ZNF169: variants seen among roughly 807,000 people sequenced by gnomAD.
ZNF169 encodes zinc finger protein 169.
ZNF169 carries 11 observed loss-of-function variants against 12.0 expected under a neutral mutation model. The ratio of observed to expected loss-of-function variants is 0.92; its 90% confidence interval spans 0.58 to 1.52. The LOEUF is 1.52. Among genes scored for constraint, ZNF169 ranks in the 40% most tolerant of loss-of-function variants. The pLI, the probability that ZNF169 is intolerant of heterozygous loss-of-function variation, is 0.00. For synonymous variants in ZNF169, 302 were observed against 286.5 expected (o/e 1.05, Z -0.55); for missense variants, 722 against 744.0 (o/e 0.97, Z 0.34).
intron 2 of ZNF169, 76 bp downstream of exon 2, chr9:94,278,921 G>A: frequency 6.7e-7 from 1 of 1,489,464 alleles, no homozygotes; most frequent in Non-Finnish European, 9.3e-7. Context: ...CTGCCTTCTT[G>A]GTGTTAGGCA....
intron 1 of ZNF169, 46 bp from the exon 2 acceptor site, chr9:94,278,712 G>T: frequency 9.0e-7 from 1 of 1,106,428 alleles, no homozygotes; most frequent in East Asian, 2.4e-5. Context: ...GAGTGTGAAG[G>T]GTGTTCTTCC....
rs1243276078 is a variant in ZNF169 at position 94,273,356 on chromosome 9, G to T, written c.-55-5402G>T. ...GGAGTTTTATAGTTTCAGGTCTAGG[G>T]TTTAGCAATTTTAATTTTTTTTGCA... On this transcript the variant is annotated intron_variant, in intron 1 of 4. Coordinates refer to ENST00000395395, the MANE Select transcript of ZNF169 (RefSeq NM_194320.4). Among the ~76,000 whole-genome samples the T allele has an allele frequency of 2.0e-5, 3 of 151,154 alleles. No individual in the cohort carries two copies. The East Asian group carries it at 5.8e-4, about 29-fold the overall frequency.
chr9:94,288,476 A>C, intron 2 of ZNF169: 1 of 878,228 alleles, frequency 1.1e-6, no homozygotes, highest in East Asian at 2.9e-5. Flanking sequence ...AGCTTTATTA[A>C]GCCAAATCCA....
At chr9:94,276,239 G>T (rs1188374410) in intron 1 of ZNF169, among the ~76,000 whole-genome samples, 1 of 152,054 alleles carries the variant, frequency 6.6e-6, no homozygotes, top group Non-Finnish European at 1.5e-5. Flanking sequence ...GTCTAAACAA[G>T]GTTCACACAT....
rs1462072538 is a variant in ZNF169 at position 94,300,266 on chromosome 9, C to T, written c.708C>T (p.Cys236=). ...SLFSHQKHHV[C]PECGRGFCQR... is the part of the protein sequence containing the mutation. ...TCAGCCACCAGAAGCATCATGTGTG[C>T]CCTGAATGCGGGAGAGGCTTTTGCC... Residue 236 remains cysteine, a synonymous_variant, in exon 5 of 5, where the codon TGC becomes TGT. Coordinates refer to ENST00000395395, the MANE Select transcript of ZNF169 (RefSeq NM_194320.4). The T allele has an allele frequency of 1.2e-6, 2 of 1,614,060 alleles. No individual in the cohort carries two copies. The highest frequency in any genetic ancestry group is 1.7e-6 in the Non-Finnish European group (2 of 1,180,032).
In ZNF169 at chr9:94,300,013, C is replaced by T. The variant is rs34433105; in HGVS notation, c.455C>T (p.Ser152Leu). Reference sequence around the variant, plus strand: ...GGAGAGACAGAAGGCCCCGACAGCTCATTAAGAAAGAGGCCAAGCAGAATT... The same window carrying T: ...GGAGAGACAGAAGGCCCCGACAGCTTATTAAGAAAGAGGCCAAGCAGAATT... ...ESGETEGPDS[S>L]LRKRPSRISR... The change falls in exon 5 of 5, where the codon TCA becomes TTA. Residue 152 changes from serine (S) to leucine (L), a missense_variant. Transcript: ENST00000395395. 56,731 of 1,613,936 alleles carry T rather than the reference C, an allele frequency of 0.035. 1,774 individuals are homozygous for T. Among genetic ancestry groups the T allele is most frequent in the African/African-American group, 0.16 (12,102 of 74,926 alleles).
At chr9:94,279,555 G>A (rs12336378) in intron 2 of ZNF169, among the ~76,000 whole-genome samples, 6,401 of 150,410 alleles carry the variant, frequency 0.043, 451 homozygotes, top group African/African-American at 0.15. Flanking sequence ...CAAGAGAATC[G>A]CTTGAGCCCG....
At chr9:94,270,752 AAT>A (rs1349566617) in intron 1 of ZNF169, among the ~76,000 whole-genome samples, 1 of 91,134 alleles carries the variant, frequency 1.1e-5, no homozygotes, top group African/African-American at 4.2e-5. Flanking sequence ...GTATTTATAT[AAT>A]ATATAAATAT....
At chr9:94,271,246 C>G (rs1292476965) in intron 1 of ZNF169, among the ~76,000 whole-genome samples, 1 of 150,310 alleles carries the variant, frequency 6.7e-6, no homozygotes, top group East Asian at 2.0e-4. Flanking sequence ...CAGTCACGTG[C>G]CACCATGCAC....
chr9:94,268,934 G>T (rs1328901297), intron 1 of ZNF169, among the ~76,000 whole-genome samples: 1 of 145,848 alleles, frequency 6.9e-6, no homozygotes, highest in East Asian at 1.9e-4. Flanking sequence ...TGCTCAAAAA[G>T]ACAAGGTCTT....
chr9:94,300,367 G>A lies in ZNF169; in HGVS notation c.809G>A (p.Arg270Gln), dbSNP rs377759869. ...KPYLCPECGR[R>Q]FSQKASLSIH... ...TACCTGTGTCCTGAGTGTGGGCGTC[G>A]GTTTAGCCAGAAGGCCTCCCTCTCC... The change falls in exon 5 of 5, where the codon CGG (arginine) becomes CAG (glutamine). Residue 270 changes from arginine (R) to glutamine (Q), a missense_variant. Coordinates refer to ENST00000395395, the MANE Select transcript of ZNF169 (RefSeq NM_194320.4). The A allele has an allele frequency of 1.7e-5, 28 of 1,613,776 alleles. No individual in the cohort carries two copies. Among genetic ancestry groups the A allele is most frequent in the Middle Eastern group, 1.6e-4 (1 of 6,082 alleles).
intron 1 of ZNF169, among the ~76,000 whole-genome samples, chr9:94,273,447 A>C (rs552248463): frequency 1.4e-5 from 2 of 142,420 alleles, no homozygotes; most frequent in African/African-American, 5.2e-5. Flanking sequence ...CCTCTTTATT[A>C]CTTCCTTTCT....
At chr9:94,265,021 G>GTTTTTTTTTTTTTTTTT (rs55756013) in intron 1 of ZNF169, among the ~76,000 whole-genome samples, 1 of 90,684 alleles carries the variant, frequency 1.1e-5, no homozygotes, top group Admixed American at 1.6e-4. Context: ...TCTGTACCCT[G>GTTTTTTTTTTTTTTTTT]TTTTTTTTTT....
chr9:94,301,095 CTT>C lies in ZNF169; in HGVS notation c.1539_1540del (p.Tyr514ArgfsTer18). The C allele has an allele frequency of 6.2e-7, 1 of 1,614,180 alleles. No homozygotes were observed. The highest frequency in any genetic ancestry group is 8.5e-7 in the Non-Finnish European group (1 of 1,180,026). On this transcript the variant is annotated frameshift_variant, in exon 5 of 5. Coordinates refer to ENST00000395395, the MANE Select transcript of ZNF169 (RefSeq NM_194320.4). LOFTEE classifies it low-confidence loss of function (END_TRUNC). ...CCAGAGGACACACTCAGAGGAGGAG[CTT>C]TACGTAGACAGGGTGTGTGGACAAG... The part of the protein sequence containing the change: ...RHQRTHSEEE[L>X]YVDRVCGQGL...
chr9:94,284,065 C>T, intron 2 of ZNF169, among the ~76,000 whole-genome samples: 1 of 114,046 alleles, frequency 8.8e-6, no homozygotes, highest in African/African-American at 3.6e-5. Flanking sequence ...GAGCAAGACT[C>T]TGTCTCAAAA....
At position 94,301,073 on chromosome 9, in the gene ZNF169, G is replaced by A; in HGVS notation, c.1515G>A (p.Gln505=). Residue 505 remains glutamine (Q), a synonymous_variant, in exon 5 of 5, where the codon CAG becomes CAA. Coordinates refer to ENST00000395395, the MANE Select transcript of ZNF169 (RefSeq NM_194320.4). ...FGFKSLLTRH[Q]RTHSEEELYV... is the part of the protein sequence containing the mutation. ...TTAAGTCGCTCCTCACCCGACACCA[G>A]AGGACACACTCAGAGGAGGAGCTTT... 2 of 1,614,210 alleles carry A rather than the reference G, an allele frequency of 1.2e-6. No homozygotes were observed. The highest frequency in any genetic ancestry group is 1.7e-6 in the Non-Finnish European group (2 of 1,180,030).
chr9:94,274,372 C>G (rs183831148), intron 1 of ZNF169, among the ~76,000 whole-genome samples: 1 of 152,120 alleles, frequency 6.6e-6, no homozygotes, highest in Non-Finnish European at 1.5e-5. Flanking sequence ...TTAGAATCAC[C>G]GAGTTCAAAA....
chr9:94,278,681 A>G (rs1830566337), intron 1 of ZNF169, 77 bp from the exon 2 acceptor site: 1 of 760,734 alleles, frequency 1.3e-6, no homozygotes, highest in Non-Finnish European at 2.2e-6. Flanking sequence ...TCTACTCCCT[A>G]CTGAATTGGG....
At chr9:94,276,633 C>T (rs1456112797) in intron 1 of ZNF169, among the ~76,000 whole-genome samples, 1 of 152,048 alleles carries the variant, frequency 6.6e-6, no homozygotes, top group African/African-American at 2.4e-5. Flanking sequence ...ACCTCGTCAT[C>T]CATCCTTGGC....
Sources: gnomAD v4.1 joint callset for allele counts (sites outside exome capture counted in the v4.1 genomes callset) on GRCh38, gnomAD v4.1.1 for gene constraint, MANE v1.5 for transcripts, NCBI Gene and HGNC (gene_info 2026-07-23, HGNC 2026-07-21) for gene names.